The following CSMD2 variants were observed in gnomAD, a reference collection of about 807,000 sequenced individuals.
CSMD2 encodes the protein CUB and Sushi multiple domains 2.
In CSMD2, 130 loss-of-function variants were observed where a neutral mutation model predicts 398.5. That is an observed-to-expected ratio of 0.33 (90% CI 0.28 to 0.38). The LOEUF (loss-of-function observed/expected upper bound fraction) is 0.38. CSMD2 is among the 10% of genes least tolerant of loss of function. The pLI is 1.00. For synonymous variants in CSMD2, 1,828 were observed against 1,908.5 expected (o/e 0.96, Z 1.10); for missense variants, 3,829 against 4,764.9 (o/e 0.80, Z 5.78).
In CSMD2 at chr1:33,550,285, C is replaced by T; in HGVS notation, c.8809G>A (p.Gly2937Arg). The change falls in exon 56 of 71, where the codon GGA (glycine) becomes AGA (arginine). Residue 2937 changes from glycine (G) to arginine (R), a missense_variant. Around this residue, in one of 5 missense-constraint regions of CSMD2, gnomAD observed 917 missense variants for 1,199.5 expected, o/e 0.76. Transcript: ENST00000373381. ...SQMSGDSYTV[G>R]AVVRYSCIGK... is the part of the protein sequence containing the mutation. ...ATGCAGCTGTACCGCACCACTGCTCCCACAGTATAACTGTCTCCAGACATC... is the reference window on the plus strand; with the variant it reads ...ATGCAGCTGTACCGCACCACTGCTCTCACAGTATAACTGTCTCCAGACATC... The T allele has an allele frequency of 3.1e-6, 5 of 1,614,206 alleles. No homozygotes were observed. The highest frequency in any genetic ancestry group is 4.2e-6 in the Non-Finnish European group (5 of 1,180,044).
chr1:34,035,804 A>T (rs1651051799), intron 2 of CSMD2, among the ~76,000 whole-genome samples: 1 of 152,084 alleles, frequency 6.6e-6, no homozygotes, highest in Non-Finnish European at 1.5e-5. Flanking sequence ...TTCCCTTAAG[A>T]TTGAGAAAAA....
chr1:33,642,077 C>T (rs552065778), intron 29 of CSMD2, among the ~76,000 whole-genome samples: 3 of 152,150 alleles, frequency 2.0e-5, no homozygotes, highest in East Asian at 1.9e-4. Context: ...GATCTGGGCA[C>T]GGTGGCTCAC....
chr1:34,037,942 T>A (rs1310658961), intron 2 of CSMD2, among the ~76,000 whole-genome samples: 1 of 152,250 alleles, frequency 6.6e-6, no homozygotes, highest in Non-Finnish European at 1.5e-5. Context: ...TATATGGAAT[T>A]GCAGCTTGCT....
At chr1:33,684,489 C>T (rs181769345) in intron 25 of CSMD2, among the ~76,000 whole-genome samples, 6 of 152,244 alleles carry the variant, frequency 3.9e-5, no homozygotes, top group African/African-American at 2.4e-5. Context: ...GCCAGACAAC[C>T]GTAGCTTCAA....
chr1:33,998,967 C>T (rs1257239659), intron 3 of CSMD2, among the ~76,000 whole-genome samples: 1 of 152,146 alleles, frequency 6.6e-6, no homozygotes, highest in Non-Finnish European at 1.5e-5. Context: ...ACAGCCCAGG[C>T]TCCCGGATTC....
chr1:33,753,778 C>T (rs1453879331), intron 13 of CSMD2, among the ~76,000 whole-genome samples: 2 of 152,192 alleles, frequency 1.3e-5, no homozygotes, highest in Non-Finnish European at 2.9e-5. Flanking sequence ...ACCAATGTGC[C>T]CAGGATGTGG....
chr1:33,516,323 C>CAG lies in CSMD2; in HGVS notation c.*300_*301insCT, dbSNP rs1327371607. The CAG allele has an allele frequency of 6.6e-6, 1 of 151,882 alleles. No individual in the cohort carries two copies. The highest frequency in any genetic ancestry group is 1.5e-5 in the Non-Finnish European group (1 of 67,980). 9.4% of individuals were successfully genotyped at this position (151,882 alleles called of 1,614,324 possible). A position where few individuals can be genotyped will look rare whatever the true frequency, so the allele number is the denominator to read the frequency against. On this transcript the variant is annotated 3_prime_UTR_variant, in exon 71 of 71. Transcript: ENST00000373381. ...TTGTGTGTGATCAGGCCCATACACA[C>CAG]ACACACACACACAGATCCACAAGTT...
In CSMD2 at chr1:34,086,032, AAAAG is replaced by A. The variant is rs1412910212; in HGVS notation, c.404+2941_404+2944del. On this transcript the variant is annotated intron_variant, in intron 2 of 70. Coordinates refer to ENST00000373381, the MANE Select transcript of CSMD2 (RefSeq NM_001281956.2). ...CTTAAGTTTCCTGGAAAAAAAAAAAAAAAGAAAGAAAGAAAACCAAGTGTCAGAA... is the reference window on the plus strand; with the variant it reads ...CTTAAGTTTCCTGGAAAAAAAAAAAAAAAGAAAGAAAACCAAGTGTCAGAA... Among the ~76,000 whole-genome samples, 6 of 151,220 alleles carry A rather than the reference AAAAG, an allele frequency of 4.0e-5. 1 individual carries two copies. Among genetic ancestry groups the A allele is most frequent in the Admixed American group, 1.3e-4 (2 of 15,226 alleles).
rs144733811 is a variant in CSMD2 at position 33,772,747 on chromosome 1, G to A, written c.1668C>T (p.Ile556=). 2.9e-4 allele frequency: 463 copies of A among 1,609,350 alleles called. No individual in the cohort carries two copies. The highest frequency in any genetic ancestry group is 3.6e-4 in the Non-Finnish European group (420 of 1,176,444). Residue 556 remains isoleucine (I), a synonymous_variant, in exon 13 of 71, where the codon ATC becomes ATT. Transcript: ENST00000373381. ...CAGGGTCACCGCAACTGCCCTGCTC[G>A]ATCTCTGAAAGACAGGAAGATGAGA... ...SLGFKASYEE[I]EQGSCGDPGI... is the part of the protein sequence containing the mutation.
At chr1:34,127,903 T>G (rs1012489673) in intron 1 of CSMD2, among the ~76,000 whole-genome samples, 4 of 150,986 alleles carry the variant, frequency 2.6e-5, no homozygotes, top group African/African-American at 7.3e-5. Flanking sequence ...CTGAGAGGAG[T>G]TGTTGAGAGT....
chr1:34,100,695 T>C (rs906627729), intron 1 of CSMD2, among the ~76,000 whole-genome samples: 1 of 152,228 alleles, frequency 6.6e-6, no homozygotes, highest in African/African-American at 2.4e-5. Flanking sequence ...TGTATGGTTA[T>C]ACTAGAATTT....
chr1:33,755,998 A>G (rs1648959232), intron 13 of CSMD2, among the ~76,000 whole-genome samples: 1 of 152,106 alleles, frequency 6.6e-6, no homozygotes, highest in Non-Finnish European at 1.5e-5. Context: ...TTAGAAGGGC[A>G]TTCAACAGAG....
chr1:33,988,126 A>C (rs1411396236), intron 3 of CSMD2, among the ~76,000 whole-genome samples: 5 of 152,198 alleles, frequency 3.3e-5, no homozygotes, highest in African/African-American at 2.4e-5. Flanking sequence ...GTCTCCCCAG[A>C]GTCTAGCGCA....
At chr1:33,927,953 G>C (rs924975714) in intron 4 of CSMD2, among the ~76,000 whole-genome samples, 3 of 152,196 alleles carry the variant, frequency 2.0e-5, no homozygotes, top group Non-Finnish European at 4.4e-5. Flanking sequence ...CTTTCCCAGA[G>C]GTTTCTCTCC....
At chr1:33,955,536 T>A (rs1645139698) in intron 3 of CSMD2, among the ~76,000 whole-genome samples, 1 of 152,206 alleles carries the variant, frequency 6.6e-6, no homozygotes, top group African/African-American at 2.4e-5. Flanking sequence ...CAGACCACGT[T>A]TTGATCTTTT....
chr1:33,658,019 C>G lies in CSMD2; in HGVS notation c.4374G>C (p.Gln1458His). Residue 1458 changes from glutamine (Q) to histidine (H), a missense_variant, in exon 27 of 71, where the codon CAG becomes CAC. By Grantham distance (24) the Gln-to-His change is conservative (BLOSUM62 0). Coordinates refer to ENST00000373381, the MANE Select transcript of CSMD2 (RefSeq NM_001281956.2). Reference sequence around the variant, plus strand: ...TCACACAGCTGATCTCTGCACTTCCCTGCAGCGCGTAGCCAGGGTCACACT... The same window carrying G: ...TCACACAGCTGATCTCTGCACTTCCGTGCAGCGCGTAGCCAGGGTCACACT... Reference protein sequence around the residue: ...VFQCDPGYALQGSAEISCVKI... With the variant: ...VFQCDPGYALHGSAEISCVKI... The G allele has an allele frequency of 1.2e-6, 2 of 1,614,240 alleles. No homozygotes were observed. Among genetic ancestry groups the G allele is most frequent in the Non-Finnish European group, 1.7e-6 (2 of 1,180,028 alleles).
chr1:33,739,387 A>T, intron 14 of CSMD2, 53 bp from the exon 15 acceptor site: 1 of 1,496,770 alleles, frequency 6.7e-7, no homozygotes, highest in Non-Finnish European at 9.0e-7. Flanking sequence ...GTAGAGAAGA[A>T]TCCCTAAAGA....
At chr1:34,116,985 G>C (rs1661662654) in intron 1 of CSMD2, among the ~76,000 whole-genome samples, 1 of 152,018 alleles carries the variant, frequency 6.6e-6, no homozygotes, top group Non-Finnish European at 1.5e-5. Context: ...ACAGGATGCA[G>C]CAAGTGTTAC....
At chr1:33,543,273 C>T (rs981993410) in intron 57 of CSMD2, among the ~76,000 whole-genome samples, 1 of 152,212 alleles carries the variant, frequency 6.6e-6, no homozygotes, top group East Asian at 1.9e-4. Context: ...CCACACATGA[C>T]ATTTGGTTGA....
Sources: gnomAD v4.1 joint callset for allele counts (sites outside exome capture counted in the v4.1 genomes callset) on GRCh38, gnomAD v4.1.1 for gene constraint, gnomAD v4.1.1 regional missense constraint, MANE v1.5 for transcripts, NCBI Gene and HGNC (gene_info 2026-07-23, HGNC 2026-07-21) for gene names.